The following CORIN variants were observed in gnomAD, a reference collection of about 807,000 sequenced individuals.
The protein encoded by CORIN is atrial natriuretic peptide-converting enzyme.
Under a neutral mutation model 125.3 loss-of-function variants are expected in CORIN, and 117 were observed. The observed-to-expected ratio is 0.93, with a 90% CI of 0.80 to 1.09. The LOEUF (loss-of-function observed/expected upper bound fraction) is 1.09, where lower values mean the gene tolerates loss of function less well. Among genes scored for constraint, CORIN ranks in the 50% least tolerant of loss-of-function variants. The probability of loss-of-function intolerance (pLI) is 0.00; values close to 1 mark genes in which losing one functional copy is unlikely to be tolerated. For missense variants in CORIN, 1,253 were observed against 1,306.7 expected (o/e 0.96, Z 0.63); for synonymous variants, 450 against 466.4 (o/e 0.96, Z 0.45).
chr4:47,736,246 G>T (rs568424425), intron 5 of CORIN, among the ~76,000 whole-genome samples: 2 of 152,192 alleles, frequency 1.3e-5, no homozygotes, highest in Non-Finnish European at 2.9e-5. Context: ...TCTTTTGGAG[G>T]GAATCCTAAT....
At chr4:47,729,066 A>G (rs936619948) in intron 5 of CORIN, among the ~76,000 whole-genome samples, 19 of 152,226 alleles carry the variant, frequency 1.2e-4, no homozygotes, top group African/African-American at 2.9e-4. Flanking sequence ...TCAACAAGAA[A>G]ACGATTTTAT....
intron 5 of CORIN, among the ~76,000 whole-genome samples, chr4:47,723,995 CAAAAAAA>C (rs766930754): frequency 8.5e-5 from 5 of 58,932 alleles, no homozygotes; most frequent in African/African-American, 2.8e-4. Flanking sequence ...GACTCCATCT[CAAAAAAA>C]AAAAAAAAAA....
chr4:47,612,148 T>G (rs1721893781), intron 19 of CORIN, among the ~76,000 whole-genome samples: 1 of 152,186 alleles, frequency 6.6e-6, no homozygotes, highest in African/African-American at 2.4e-5. Flanking sequence ...TACCAGCTCC[T>G]CTTTGTACCT....
chr4:47,786,838 G>T lies in CORIN; in HGVS notation c.296C>A (p.Thr99Lys). Residue 99 changes from threonine (T) to lysine (K), a missense_variant, in exon 3 of 22, where the codon ACA becomes AAA. Thr to Lys is a moderately conservative substitution (Grantham distance 78). Transcript: ENST00000273857. Reference protein sequence around the residue: ...GEIQGSDVILTNTIYNQSTVV... With the variant: ...GEIQGSDVILKNTIYNQSTVV... The stretch of plus-strand genomic sequence containing the variant: ...AGTGCTCTGGTTATAAATTGTATTT[G>T]TAAGAATAACATCGGACCCTTGGAT... 1 of 1,613,364 alleles carries T rather than the reference G, an allele frequency of 6.2e-7. No homozygotes were observed.
intron 3 of CORIN, among the ~76,000 whole-genome samples, chr4:47,775,257 T>G (rs1386834624): frequency 6.6e-6 from 1 of 152,088 alleles, no homozygotes; most frequent in African/African-American, 2.4e-5. Flanking sequence ...CTAGGGTACA[T>G]GTGCACAACG....
At position 47,623,902 on chromosome 4, in the gene CORIN, G is replaced by T; in HGVS notation, c.2362C>A (p.Gln788Lys). 6.2e-7 allele frequency: 1 copy of T among 1,613,616 alleles called. No homozygotes were observed. The highest frequency in any genetic ancestry group is 8.5e-7 in the Non-Finnish European group (1 of 1,179,532). The stretch of plus-strand genomic sequence containing the variant: ...GCCACACCTCTAATTCTCTCACCTT[G>T]TTTAGTACACAGAAGAGAAATTTTA... ...RSKISLLCTK[Q>K]DCGRRPAARM... is the part of the protein sequence containing the mutation. The change falls in exon 18 of 22, where the codon CAA (glutamine) becomes AAA (lysine). Residue 788 changes from glutamine (Q) to lysine (K), a missense_variant. Physicochemically the swap from Gln to Lys is moderately conservative, Grantham distance 53. Coordinates refer to ENST00000273857, the MANE Select transcript of CORIN (RefSeq NM_006587.4).
intron 2 of CORIN, among the ~76,000 whole-genome samples, chr4:47,801,565 C>T (rs756107740): frequency 1.3e-5 from 2 of 152,244 alleles, no homozygotes; most frequent in Admixed American, 1.3e-4. Flanking sequence ...AATGCTGACA[C>T]CATCCTCTCC....
rs1428138597 is a variant in CORIN, at chr4:47,744,479, G to C, written c.722C>G (p.Ser241Cys). The change falls in exon 5 of 22, where the codon TCC becomes TGC. Residue 241 changes from serine (S) to cysteine (C), a missense_variant. By Grantham distance (112) the Ser-to-Cys change is moderately radical (BLOSUM62 -1). Coordinates refer to ENST00000273857, the MANE Select transcript of CORIN (RefSeq NM_006587.4). ...GCTTTCAGTTTGGTTTCTAAACTGG[G>C]AGCATCTGAGGAAATCCGGCCAGGA... ...NYSWPDFLRCSQFRNQTESSN... is the reference protein window; with the variant it reads ...NYSWPDFLRCCQFRNQTESSN... 1 of 1,614,008 alleles carries C rather than the reference G, an allele frequency of 6.2e-7. No individual in the cohort carries two copies. The highest frequency in any genetic ancestry group is 1.1e-5 in the South Asian group (1 of 91,066).
At chr4:47,784,254 A>G (rs1459492063) in intron 3 of CORIN, among the ~76,000 whole-genome samples, 1 of 152,228 alleles carries the variant, frequency 6.6e-6, no homozygotes, top group Non-Finnish European at 1.5e-5. Context: ...AATTTCTTGC[A>G]ATAAATAATT....
intron 8 of CORIN, among the ~76,000 whole-genome samples, chr4:47,679,213 T>C (rs1254368074): frequency 6.6e-6 from 1 of 152,216 alleles, no homozygotes; most frequent in Non-Finnish European, 1.5e-5. Context: ...TTCAATCATG[T>C]ATATTATTCT....
At chr4:47,677,913 T>A (rs1725100595) in intron 9 of CORIN, 25 bp downstream of exon 9, 3 of 1,503,430 alleles carry the variant, frequency 2.0e-6, no homozygotes, top group Non-Finnish European at 2.8e-6. Context: ...TAAAGGAATG[T>A]TCTGGGGTGG....
At chr4:47,754,765 C>T (rs1422199811) in intron 4 of CORIN, among the ~76,000 whole-genome samples, 1 of 152,094 alleles carries the variant, frequency 6.6e-6, no homozygotes, top group African/African-American at 2.4e-5. Flanking sequence ...GTAGCAGGGA[C>T]CCAATTTGCA....
intron 11 of CORIN, among the ~76,000 whole-genome samples, chr4:47,663,730 T>C (rs1408810112): frequency 6.6e-6 from 1 of 152,172 alleles, no homozygotes; most frequent in Non-Finnish European, 1.5e-5. Context: ...TTAAAAGAAA[T>C]TATTCACTAT....
chr4:47,777,803 G>T (rs1730365093), intron 3 of CORIN, among the ~76,000 whole-genome samples: 1 of 152,216 alleles, frequency 6.6e-6, no homozygotes, highest in Admixed American at 6.5e-5. Flanking sequence ...AGCTACAAGT[G>T]AAAAGGCATA....
chr4:47,822,230 T>A (rs1330143043), intron 1 of CORIN, among the ~76,000 whole-genome samples: 1 of 152,252 alleles, frequency 6.6e-6, no homozygotes, highest in Admixed American at 6.5e-5. Context: ...AGGTACAGTA[T>A]AAGGAACTGA....
intron 19 of CORIN, among the ~76,000 whole-genome samples, chr4:47,609,597 T>C (rs2109523817): frequency 6.6e-6 from 1 of 151,036 alleles, no homozygotes; most frequent in South Asian, 2.1e-4. Flanking sequence ...ATTTTTTTTT[T>C]CTTGAACTGT....
At chr4:47,679,591 A>G (rs1393099393) in intron 8 of CORIN, 1 of 152,506 alleles carries the variant, frequency 6.6e-6, no homozygotes, top group Non-Finnish European at 1.5e-5. Context: ...ACCTCAGGTC[A>G]TCTACCCATC....
intron 10 of CORIN, among the ~76,000 whole-genome samples, chr4:47,665,914 A>G (rs1326413082): frequency 6.6e-6 from 1 of 151,986 alleles, no homozygotes; most frequent in Non-Finnish European, 1.5e-5. Context: ...GCTGTAATAA[A>G]TTCTATTCCC....
chr4:47,746,076 A>G (rs1728649468), intron 4 of CORIN, among the ~76,000 whole-genome samples: 1 of 152,214 alleles, frequency 6.6e-6, no homozygotes, highest in Non-Finnish European at 1.5e-5. Flanking sequence ...TTCTTGGTAT[A>G]AAGAAGACAC....
Sources: allele counts gnomAD v4.1 joint callset (sites outside exome capture counted in the v4.1 genomes callset), GRCh38; gene constraint gnomAD v4.1.1; transcripts MANE v1.5; gene names NCBI Gene and HGNC (gene_info 2026-07-23, HGNC 2026-07-21).